The following LRRTM3 variants were observed in gnomAD, a reference collection of about 807,000 sequenced individuals.
LRRTM3 encodes the protein leucine rich repeat transmembrane neuronal 3, also known as leucine-rich repeat transmembrane neuronal protein 3.
A neutral mutation model predicts 44.7 loss-of-function variants in LRRTM3; 24 were observed. The ratio of observed to expected loss-of-function variants is 0.54; its 90% confidence interval spans 0.39 to 0.76. The LOEUF is 0.76. LRRTM3 is among the 30% of genes least tolerant of loss of function. LRRTM3 has a pLI of 0.00. For synonymous variants in LRRTM3, 277 were observed against 278.7 expected (o/e 0.99, Z 0.06); for missense variants, 587 against 702.2 (o/e 0.84, Z 1.85).
intron 2 of LRRTM3, among the ~76,000 whole-genome samples, chr10:66,969,171 A>G (rs899486069): frequency 6.6e-6 from 1 of 152,116 alleles, no homozygotes; most frequent in African/African-American, 2.4e-5. Context: ...TATTAATAAG[A>G]AAATGTAACA....
chr10:66,973,803 T>C (rs746161248), intron 2 of LRRTM3, among the ~76,000 whole-genome samples: 6 of 152,092 alleles, frequency 3.9e-5, no homozygotes, highest in Non-Finnish European at 7.4e-5. Flanking sequence ...TTTTGTATTT[T>C]TACTGAGATG....
intron 2 of LRRTM3, among the ~76,000 whole-genome samples, chr10:66,971,900 C>CT (rs886687417): frequency 5.3e-4 from 79 of 148,792 alleles, no homozygotes; most frequent in South Asian, 1.9e-3. Context: ...AGAGCATATT[C>CT]TTTTTTTTTT....
intron 2 of LRRTM3, among the ~76,000 whole-genome samples, chr10:66,976,101 C>T (rs10997461): frequency 3.3e-5 from 5 of 151,912 alleles, no homozygotes; most frequent in African/African-American, 1.2e-4. Context: ...GTGCTAGTAG[C>T]TTTGTATTAA....
At chr10:66,934,696 T>C (rs1273583513) in intron 2 of LRRTM3, among the ~76,000 whole-genome samples, 1 of 152,120 alleles carries the variant, frequency 6.6e-6, no homozygotes, top group Non-Finnish European at 1.5e-5. Flanking sequence ...CAACTATATT[T>C]CACCAATCAG....
intron 2 of LRRTM3, among the ~76,000 whole-genome samples, chr10:66,979,674 G>A (rs915201823): frequency 6.6e-6 from 1 of 152,118 alleles, no homozygotes; most frequent in Non-Finnish European, 1.5e-5. Context: ...GGGATGAATA[G>A]GATTATATAG....
chr10:67,000,131 G>A (rs761319553), intron 2 of LRRTM3, among the ~76,000 whole-genome samples: 2 of 152,136 alleles, frequency 1.3e-5, no homozygotes, highest in African/African-American at 2.4e-5. Context: ...TAAAAATATA[G>A]GGCCTTCCAG....
At chr10:67,091,760 C>T (rs1371284249) in intron 2 of LRRTM3, among the ~76,000 whole-genome samples, 1 of 151,856 alleles carries the variant, frequency 6.6e-6, no homozygotes, top group Non-Finnish European at 1.5e-5. Context: ...ACATTTGGAA[C>T]AAGAGACAGG....
rs565620356 is a variant in LRRTM3, at chr10:67,100,274, G to A, written c.*2478G>A. Among the ~76,000 whole-genome samples, 3 of 151,782 alleles carry A rather than the reference G, an allele frequency of 2.0e-5. No individual in the cohort carries two copies. In the South Asian group the frequency reaches 6.2e-4, roughly 32 times the overall value. On this transcript the variant is annotated 3_prime_UTR_variant, in exon 3 of 3. Coordinates refer to ENST00000361320, the MANE Select transcript of LRRTM3 (RefSeq NM_178011.5). ...GCAATCACCTTGGAACCACAGCTCT[G>A]TGCAACCAAGGCCCTAAGCTACACC... is the stretch of plus-strand genomic sequence containing the variant.
chr10:66,995,014 G>A (rs1361663763), intron 2 of LRRTM3, among the ~76,000 whole-genome samples: 2 of 152,096 alleles, frequency 1.3e-5, no homozygotes, highest in Admixed American at 1.3e-4. Flanking sequence ...CAGAGTTCAT[G>A]CCTTCTCATT....
intron 2 of LRRTM3, among the ~76,000 whole-genome samples, chr10:66,950,195 T>C (rs1848468061): frequency 6.6e-6 from 1 of 152,196 alleles, no homozygotes; most frequent in Non-Finnish European, 1.5e-5. Flanking sequence ...ACATAAACTA[T>C]TTTCTGATAC....
intron 2 of LRRTM3, among the ~76,000 whole-genome samples, chr10:67,051,225 T>C (rs142165041): frequency 1.3e-5 from 2 of 152,266 alleles, no homozygotes; most frequent in African/African-American, 4.8e-5. Context: ...CTCTGAAAAA[T>C]GAAGACGTGA....
rs1037188358 is a variant in LRRTM3, at chr10:67,036,591, A to T, written c.1537-60996A>T. 1.2e-4 allele frequency among the ~76,000 whole-genome samples: 18 copies of T among 152,126 alleles called. 1 individual carries two copies. The highest frequency in any genetic ancestry group is 4.1e-4 in the African/African-American group (17 of 41,422). ...TCTCCATGTTGCCCAGGCTAGTATC[A>T]AAATCTTAAGCTCAAGTGATCATTT... is the stretch of plus-strand genomic sequence containing the variant. On this transcript the variant is annotated intron_variant, in intron 2 of 2. Coordinates refer to ENST00000361320, the MANE Select transcript of LRRTM3 (RefSeq NM_178011.5).
At chr10:66,973,106 G>A (rs1296526890) in intron 2 of LRRTM3, among the ~76,000 whole-genome samples, 7 of 152,030 alleles carry the variant, frequency 4.6e-5, no homozygotes, top group Non-Finnish European at 8.8e-5. Flanking sequence ...TCAGCCTTTT[G>A]GCTAAGATCA....
At chr10:67,042,439 GT>G (rs1425036135) in intron 2 of LRRTM3, among the ~76,000 whole-genome samples, 2 of 152,114 alleles carry the variant, frequency 1.3e-5, no homozygotes, top group Non-Finnish European at 2.9e-5. Flanking sequence ...CATTATTTGA[GT>G]TTTCCATGTC....
chr10:67,088,050 C>T (rs2131899028), intron 2 of LRRTM3, among the ~76,000 whole-genome samples: 1 of 151,638 alleles, frequency 6.6e-6, no homozygotes, highest in Admixed American at 6.6e-5. Flanking sequence ...TGTGGAAATA[C>T]CATGATAATT....
intron 2 of LRRTM3, among the ~76,000 whole-genome samples, chr10:67,060,540 AG>A (rs1173075822): frequency 6.6e-6 from 1 of 152,246 alleles, no homozygotes; most frequent in Admixed American, 6.5e-5. Context: ...CTTTGCAGTT[AG>A]GCAGCACCAG....
rs527996690 is a variant in LRRTM3, at chr10:67,004,128, G to T, written c.1536+75676G>T. Among the ~76,000 whole-genome samples the T allele has an allele frequency of 3.9e-5, 6 of 151,902 alleles. No individual in the cohort carries two copies. In the South Asian group the frequency reaches 1.2e-3, roughly 32 times the overall value. On this transcript the variant is annotated intron_variant, in intron 2 of 2. Transcript: ENST00000361320. ...CCACCTGCCAAGATCTGGCTGTGGA[G>T]CCATGGCTGTGTATCAGCCATGTAT...
chr10:66,938,746 C>T (rs1847850485), intron 2 of LRRTM3, among the ~76,000 whole-genome samples: 1 of 152,104 alleles, frequency 6.6e-6, no homozygotes. Flanking sequence ...ATCTACCAAT[C>T]ATTTTTTCCT....
chr10:66,957,286 C>T (rs1057085397), intron 2 of LRRTM3, among the ~76,000 whole-genome samples: 4 of 151,286 alleles, frequency 2.6e-5, no homozygotes, highest in African/African-American at 9.7e-5. Context: ...TTACTATTTG[C>T]TCATTTATTA....
Sources: gnomAD v4.1 joint callset for allele counts (sites outside exome capture counted in the v4.1 genomes callset) on GRCh38, gnomAD v4.1.1 for gene constraint, MANE v1.5 for transcripts, NCBI Gene and HGNC (gene_info 2026-07-23, HGNC 2026-07-21) for gene names.